Variants in HSP90AA1 observed in about 807,000 individuals in gnomAD.
HSP90AA1 encodes the protein heat shock protein 90 alpha family class A member 1.
HSP90AA1 carries 18 observed loss-of-function variants against 73.3 expected under a neutral mutation model. The observed-to-expected ratio is 0.25, with a 90% CI of 0.17 to 0.36. The LOEUF (loss-of-function observed/expected upper bound fraction) is 0.36. HSP90AA1 is among the 10% of genes least tolerant of loss of function. The pLI is 1.00. For synonymous variants in HSP90AA1, 477 were observed against 296.9 expected (o/e 1.61, Z -6.24); for missense variants, 704 against 874.2 (o/e 0.81, Z 2.45).
chr14:102,096,388 A>T lies in HSP90AA1; in HGVS notation c.366+5487T>A, dbSNP rs567414275. On this transcript the variant is annotated intron_variant, in intron 2 of 11. Transcript: ENST00000334701. ...GTGCACTCAGGGCCCCTCAGATTCA[A>T]CATTACAGCATTCCTTTTCATTCAC... Among the ~76,000 whole-genome samples, 3 of 152,254 alleles carry T rather than the reference A, an allele frequency of 2.0e-5. No individual in the cohort carries two copies. The East Asian group carries it at 5.8e-4, about 29-fold the overall frequency.
chr14:102,134,982 G>A (rs1017792612), intron 1 of HSP90AA1, among the ~76,000 whole-genome samples: 2 of 151,486 alleles, frequency 1.3e-5, no homozygotes, highest in Non-Finnish European at 2.9e-5. Context: ...GGTTCTCCAC[G>A]TCCCCATCAG....
chr14:102,131,335 A>C (rs1437026480), intron 1 of HSP90AA1, among the ~76,000 whole-genome samples: 1 of 152,122 alleles, frequency 6.6e-6, no homozygotes, highest in African/African-American at 2.4e-5. Flanking sequence ...CTTTACCTTC[A>C]GAGTATATGT....
rs374600001 is a variant in HSP90AA1 at position 102,106,588 on chromosome 14, G to A, written c.156-4503C>T. On this transcript the variant is annotated intron_variant, in intron 1 of 11. Transcript: ENST00000334701. ...GAGACAGAGTCTCTCTCTGTCGCCC[G>A]GGCTGGAGTGCAGTGGCACAACTCA... Among the ~76,000 whole-genome samples the A allele has an allele frequency of 1.1e-3, 157 of 140,364 alleles. 1 individual carries two copies. Among genetic ancestry groups the A allele is most frequent in the African/African-American group, 3.9e-3 (148 of 37,744 alleles). 92.1% of individuals were successfully genotyped at this position (140,364 alleles called of 152,430 possible). A position where few individuals can be genotyped will look rare whatever the true frequency, so the allele number is the denominator to read the frequency against.
chr14:102,103,212 T>G (rs961238328), intron 1 of HSP90AA1, among the ~76,000 whole-genome samples: 1,233 of 82,684 alleles, frequency 0.015, no homozygotes, highest in Middle Eastern at 0.035. Context: ...AAAGCAGAAG[T>G]GGGAGTTGAT....
At chr14:102,100,488 C>T (rs1187415575) in intron 2 of HSP90AA1, among the ~76,000 whole-genome samples, 3 of 150,306 alleles carry the variant, frequency 2.0e-5, no homozygotes, top group Admixed American at 6.7e-5. Context: ...TGCAATGGCA[C>T]GATCTCAGCT....
chr14:102,085,535 T>A lies in HSP90AA1; in HGVS notation c.530-104A>T, dbSNP rs986411865. 3.1e-6 allele frequency: 4 copies of A among 1,297,724 alleles called. No homozygotes were observed. The African/African-American group carries it at 5.8e-5, about 19-fold the overall frequency. 80.4% of individuals were successfully genotyped at this position (1,297,724 alleles called of 1,614,324 possible). ...TCTATAAAGCAAGGTTTGCCGTTAC[T>A]ACAGATGCAAAGGCCACCACAGCAG... On this transcript the variant is annotated intron_variant, in intron 3 of 10. Coordinates refer to ENST00000216281, the MANE Select transcript of HSP90AA1 (RefSeq NM_005348.4).
intron 1 of HSP90AA1, among the ~76,000 whole-genome samples, chr14:102,113,391 C>CA (rs2152622335): frequency 6.7e-6 from 1 of 149,680 alleles, no homozygotes; most frequent in African/African-American, 2.5e-5. Flanking sequence ...ATTTTTGAGA[C>CA]AGAGTCTCAC....
rs1042581811 is a variant in HSP90AA1 at position 102,085,095 on chromosome 14, A to G, written c.664-97T>C. The stretch of plus-strand genomic sequence containing the variant: ...TCAACCTAAGGCCCAAGTCTAAATT[A>G]GCCAACTTGAGAAGCACCCAGCTTT... On this transcript the variant is annotated intron_variant, in intron 4 of 10. Transcript: ENST00000216281. 1.2e-5 allele frequency: 19 copies of G among 1,591,420 alleles called. No individual in the cohort carries two copies. In the African/African-American group the frequency reaches 2.4e-4, roughly 20 times the overall value.
At chr14:102,095,065 T>C (rs1289354912) in intron 2 of HSP90AA1, among the ~76,000 whole-genome samples, 6 of 152,142 alleles carry the variant, frequency 3.9e-5, no homozygotes, top group African/African-American at 1.4e-4. Flanking sequence ...AATGGTTCAG[T>C]GTCACCTTTG....
rs538878227 is a variant in HSP90AA1 at position 102,117,027 on chromosome 14, G to T, written c.156-14942C>A. On this transcript the variant is annotated intron_variant, in intron 1 of 11. Coordinates refer to the HSP90AA1 transcript ENST00000334701. ...ACTCCGATCTCAGAGTGGCATGGGG[G>T]TTGAGCCTGGGCGCTGTCCCAGCCT... Among the ~76,000 whole-genome samples, 19 of 152,058 alleles carry T rather than the reference G, an allele frequency of 1.2e-4. No individual in the cohort carries two copies. The South Asian group carries it at 3.9e-3, about 32-fold the overall frequency.
chr14:102,109,070 C>T lies in HSP90AA1; in HGVS notation c.156-6985G>A, dbSNP rs542497123. ...TTGATACACTTTTACAGCCAACACC[C>T]AGCTCAAGATGCAGACTTTCCAGCA... On this transcript the variant is annotated intron_variant, in intron 1 of 11. Coordinates refer to the HSP90AA1 transcript ENST00000334701. Among the ~76,000 whole-genome samples, 308 of 152,260 alleles carry T rather than the reference C, an allele frequency of 2.0e-3. 3 individuals are homozygous for T. The highest frequency in any genetic ancestry group is 7.1e-3 in the African/African-American group (294 of 41,552).
upstream of HSP90AA1, among the ~76,000 whole-genome samples, chr14:102,087,521 C>G (rs1049601051): frequency 2.0e-5 from 3 of 151,910 alleles, no homozygotes; most frequent in African/African-American, 7.3e-5. Context: ...GGACGGAGAG[C>G]GGCCCGGGTC....
At chr14:102,139,161 A>G (rs2050149729) in intron 1 of HSP90AA1, 2 of 1,480,612 alleles carry the variant, frequency 1.4e-6, no homozygotes, top group Admixed American at 1.8e-5. Flanking sequence ...ATCTGGCTTG[A>G]GAACACCTAT....
In HSP90AA1 at chr14:102,086,073, A is replaced by C. The variant is rs1458442305; in HGVS notation, c.214T>G (p.Ser72Ala). 1.9e-6 allele frequency: 3 copies of C among 1,613,544 alleles called. No individual in the cohort carries two copies. The highest frequency in any genetic ancestry group is 2.7e-5 in the African/African-American group (2 of 74,864). Residue 72 changes from serine (S) to alanine (A), a missense_variant, in exon 3 of 11, where the codon TCT (serine) becomes GCT (alanine). Coordinates refer to ENST00000216281, the MANE Select transcript of HSP90AA1 (RefSeq NM_005348.4). ...AGGTTAATATGCAGCTCTTTCCCAGAGTCTAATTTACTGGGATCTGTCAAG... is the reference window on the plus strand; with the variant it reads ...AGGTTAATATGCAGCTCTTTCCCAGCGTCTAATTTACTGGGATCTGTCAAG... ...ESLTDPSKLD[S>A]GKELHINLIP...
At chr14:102,083,746 A>G (rs1423590721) in intron 7 of HSP90AA1, 47 bp downstream of exon 7, 18 of 1,596,808 alleles carry the variant, frequency 1.1e-5, no homozygotes, top group Non-Finnish European at 1.4e-5. Flanking sequence ...AAAAAAAAAA[A>G]AAAACTAAAG....
rs2049170386 is a variant in HSP90AA1 at position 102,084,316 on chromosome 14, G to A, written c.1147+83C>T. On this transcript the variant is annotated intron_variant, in intron 6 of 10. Transcript: ENST00000216281. ...CCACCCCGGCCTCCCAAAGTGCTAG[G>A]ATTATAGGTGTGAGCCACCATGCCC... is the stretch of plus-strand genomic sequence containing the variant. 9 of 1,319,168 alleles carry A rather than the reference G, an allele frequency of 6.8e-6. No homozygotes were observed. In the South Asian group the frequency reaches 8.3e-5, roughly 12 times the overall value. 81.7% of individuals were successfully genotyped at this position (1,319,168 alleles called of 1,614,324 possible).
In HSP90AA1 at chr14:102,086,125, C is replaced by T; in HGVS notation, c.163-1G>A. 1 of 1,614,050 alleles carries T rather than the reference C, an allele frequency of 6.2e-7. No individual in the cohort carries two copies. Among genetic ancestry groups the T allele is most frequent in the Non-Finnish European group, 8.5e-7 (1 of 1,179,988 alleles). On this transcript the variant is annotated splice_acceptor_variant, in intron 2 of 10. Coordinates refer to ENST00000216281, the MANE Select transcript of HSP90AA1 (RefSeq NM_005348.4). LOFTEE classifies it high-confidence loss of function. ...TTTCATACCGGATTTTGTCCAATGC[C>T]TGTTAACAAAAAATATTAATTTAAG...
chr14:102,099,883 C>A (rs2049471650), intron 2 of HSP90AA1, among the ~76,000 whole-genome samples: 2 of 151,984 alleles, frequency 1.3e-5, no homozygotes, highest in South Asian at 4.1e-4. Flanking sequence ...TTTTAAAATT[C>A]CAAAAATAAA....
At chr14:102,081,942 T>G in intron 10 of HSP90AA1, 121 bp from the exon 11 acceptor site, 1 of 780,750 alleles carries the variant, frequency 1.3e-6, no homozygotes, top group Non-Finnish European at 2.3e-6. Context: ...CTCAATTTCA[T>G]TTCTTTGCTC....
Sources: allele counts gnomAD v4.1 joint callset (sites outside exome capture counted in the v4.1 genomes callset), GRCh38; gene constraint gnomAD v4.1.1; transcripts MANE v1.5; gene names NCBI Gene and HGNC (gene_info 2026-07-23, HGNC 2026-07-21).